The following SGK1 variants were observed in gnomAD, a reference collection of about 807,000 sequenced individuals.
SGK1 encodes the protein serine/threonine-protein kinase Sgk1.
Under a neutral mutation model 64.2 loss-of-function variants are expected in SGK1, and 26 were observed. The observed-to-expected ratio is 0.40, with a 90% CI of 0.30 to 0.56. The LOEUF is 0.56. Among genes scored for constraint, SGK1 ranks in the 20% least tolerant of loss-of-function variants. SGK1 has a pLI of 0.38. For synonymous variants in SGK1, 265 were observed against 239.7 expected (o/e 1.11, Z -0.98); for missense variants, 519 against 645.6 (o/e 0.80, Z 2.12).
chr6:134,238,859 A>G lies in SGK1; in HGVS notation c.285+23074T>C, dbSNP rs538556397. On this transcript the variant is annotated intron_variant, in intron 2 of 13. Transcript: ENST00000367858. Reference sequence around the variant, plus strand: ...AGTATTAAGAAAGGAGATGCCATGAACTGTGGGACTTGAGAATTAGATCGT... The same window carrying G: ...AGTATTAAGAAAGGAGATGCCATGAGCTGTGGGACTTGAGAATTAGATCGT... Among the ~76,000 whole-genome samples the G allele has an allele frequency of 3.3e-5, 5 of 152,334 alleles. No individual in the cohort carries two copies. In the South Asian group the frequency reaches 1.0e-3, roughly 32 times the overall value.
chr6:134,293,821 G>A (rs1777300951), intron 1 of SGK1, among the ~76,000 whole-genome samples: 1 of 152,106 alleles, frequency 6.6e-6, no homozygotes, highest in East Asian at 1.9e-4. Context: ...GCAGAAAAGT[G>A]CTCATGTCAA....
chr6:134,192,747 G>A, intron 3 of SGK1, among the ~76,000 whole-genome samples: 1 of 151,916 alleles, frequency 6.6e-6, no homozygotes, highest in Non-Finnish European at 1.5e-5. Context: ...TTTTTGTACT[G>A]TTGTATTTTC....
intron 1 of SGK1, among the ~76,000 whole-genome samples, chr6:134,266,820 G>A (rs554665970): frequency 6.6e-6 from 1 of 152,248 alleles, no homozygotes; most frequent in East Asian, 1.9e-4. Context: ...AGTACTAAAT[G>A]TGTTTTTGAT....
intron 1 of SGK1, among the ~76,000 whole-genome samples, chr6:134,280,885 G>A (rs1777083972): frequency 6.6e-6 from 1 of 152,116 alleles, no homozygotes; most frequent in Non-Finnish European, 1.5e-5. Context: ...TGGCCAACAT[G>A]GTGAAACCCC....
intron 2 of SGK1, among the ~76,000 whole-genome samples, chr6:134,225,488 A>T (rs1776161204): frequency 6.6e-6 from 1 of 152,218 alleles, no homozygotes; most frequent in Non-Finnish European, 1.5e-5. Context: ...GTCTCTAAAA[A>T]GAGGAAGTAA....
chr6:134,314,983 G>A (rs529906432), intron 1 of SGK1, among the ~76,000 whole-genome samples: 1 of 152,258 alleles, frequency 6.6e-6, no homozygotes, highest in South Asian at 2.1e-4. Flanking sequence ...GAATGTGTAT[G>A]TGAAGTAAAA....
intron 2 of SGK1, among the ~76,000 whole-genome samples, chr6:134,253,293 C>CTTT (rs71003685): frequency 6.9e-6 from 1 of 144,454 alleles, no homozygotes; most frequent in East Asian, 2.0e-4. Flanking sequence ...TTTTGTTTTT[C>CTTT]TTTTTTTTTT....
At chr6:134,225,394 G>C (rs915051195) in intron 2 of SGK1, among the ~76,000 whole-genome samples, 1 of 150,020 alleles carries the variant, frequency 6.7e-6, no homozygotes, top group Non-Finnish European at 1.5e-5. Flanking sequence ...TGTGGATCCA[G>C]ACTCTGGCCA....
chr6:134,175,732 G>T, intron 3 of SGK1: 9 of 1,372,026 alleles, frequency 6.6e-6, no homozygotes, highest in Non-Finnish European at 8.5e-6. Flanking sequence ...TGAAGGAGCC[G>T]CCGTGACTCA....
chr6:134,216,661 A>G (rs1775991157), intron 2 of SGK1, among the ~76,000 whole-genome samples: 1 of 152,208 alleles, frequency 6.6e-6, no homozygotes, highest in African/African-American at 2.4e-5. Context: ...ACATCAACAA[A>G]ACAGATCTGG....
At chr6:134,267,014 G>A (rs1776864245) in intron 1 of SGK1, among the ~76,000 whole-genome samples, 1 of 151,814 alleles carries the variant, frequency 6.6e-6, no homozygotes, top group South Asian at 2.1e-4. Flanking sequence ...TTAACTTTAG[G>A]GTTACTGTGA....
In SGK1 at chr6:134,297,678, T is replaced by C. The variant is rs558304860; in HGVS notation, c.69+19714A>G. 2.6e-4 allele frequency: 114 copies of C among 431,758 alleles called. 2 individuals carry two copies. The highest frequency in any genetic ancestry group is 7.2e-4 in the Middle Eastern group (1 of 1,380). 26.7% of individuals were successfully genotyped at this position (431,758 alleles called of 1,614,324 possible). A position where few individuals can be genotyped will look rare whatever the true frequency, so the allele number is the denominator to read the frequency against. On this transcript the variant is annotated intron_variant, in intron 1 of 13. Coordinates refer to ENST00000367858, the MANE Select transcript of SGK1 (RefSeq NM_001143676.3). ...CCACCACCCCAGGCTAATTTTTGTA[T>C]TTTTAGTAGAGACAGGGTTTCACCC...
chr6:134,200,198 G>A (rs908361173), intron 3 of SGK1, among the ~76,000 whole-genome samples: 4 of 152,212 alleles, frequency 2.6e-5, no homozygotes, highest in African/African-American at 7.2e-5. Context: ...TTTGCTTACT[G>A]TCTGAACAAA....
chr6:134,317,415 C>T lies in SGK1; in HGVS notation c.46G>A (p.Ala16Thr). 1 of 1,609,328 alleles carries T rather than the reference C, an allele frequency of 6.2e-7. No individual in the cohort carries two copies. The change falls in exon 1 of 14, where the codon GCC (alanine) becomes ACC (threonine). Residue 16 changes from alanine (A) to threonine (T), a missense_variant. Physicochemically the swap from Ala to Thr is moderately conservative, Grantham distance 58. This residue lies in a region of SGK1 where 241 missense variants were observed against 236.9 expected (regional missense o/e 1.02). Transcript: ENST00000367858. ...MNGFPVKKCSAFQFFKKRVRR... is the reference protein window; with the variant it reads ...MNGFPVKKCSTFQFFKKRVRR... Reference sequence around the variant, plus strand: ...ACCCGCTTCTTAAAAAATTGGAAGGCTGAGCATTTCTTGACTGGGAATCCA... The same window carrying T: ...ACCCGCTTCTTAAAAAATTGGAAGGTTGAGCATTTCTTGACTGGGAATCCA...
In SGK1 at chr6:134,263,961, T is replaced by C. The variant is rs191227473; in HGVS notation, c.70-1813A>G. Among the ~76,000 whole-genome samples, 17 of 152,196 alleles carry C rather than the reference T, an allele frequency of 1.1e-4. 1 individual carries two copies. The East Asian group carries it at 2.3e-3, about 21-fold the overall frequency. On this transcript the variant is annotated intron_variant, in intron 1 of 13. Coordinates refer to ENST00000367858, the MANE Select transcript of SGK1 (RefSeq NM_001143676.3). The stretch of plus-strand genomic sequence containing the variant: ...AATTAATTAGTCCTCAGAAAAGTTT[T>C]ATAAGAAAGGTACTATTTTCAATCC...
At chr6:134,232,412 AG>A (rs1483991993) in intron 2 of SGK1, among the ~76,000 whole-genome samples, 5 of 16,440 alleles carry the variant, frequency 3.0e-4, no homozygotes, top group African/African-American at 4.4e-4. Flanking sequence ...AAAGAAAGAA[AG>A]AGAAAGAAAG....
chr6:134,290,484 G>A (rs1355424886), intron 1 of SGK1, among the ~76,000 whole-genome samples: 1 of 151,754 alleles, frequency 6.6e-6, no homozygotes, highest in Admixed American at 6.6e-5. Flanking sequence ...GGTTTGGGAT[G>A]AGGAGGACAT....
At position 134,306,924 on chromosome 6, in the gene SGK1, G is replaced by C. The variant is rs553316309; in HGVS notation, c.69+10468C>G. The stretch of plus-strand genomic sequence containing the variant: ...CAAAGAAATAAAAGGGGGGGGGGGC[G>C]GAATTTCAACACTAATTCTGAAATA... On this transcript the variant is annotated intron_variant, in intron 1 of 13. Transcript: ENST00000367858. Among the ~76,000 whole-genome samples the C allele has an allele frequency of 6.8e-4, 101 of 148,202 alleles. 1 individual carries two copies. The highest frequency in any genetic ancestry group is 1.9e-3 in the African/African-American group (78 of 40,016).
chr6:134,273,462 G>T (rs940851024), intron 1 of SGK1, among the ~76,000 whole-genome samples: 1 of 148,960 alleles, frequency 6.7e-6, no homozygotes, highest in Admixed American at 6.8e-5. Flanking sequence ...GCGTAGTGGT[G>T]GGCGCCTGTA....
Sources: allele counts gnomAD v4.1 joint callset (sites outside exome capture counted in the v4.1 genomes callset), GRCh38; gene constraint gnomAD v4.1.1; regional missense constraint gnomAD v4.1.1; transcripts MANE v1.5; gene names NCBI Gene and HGNC (gene_info 2026-07-23, HGNC 2026-07-21).